Variants in ATRNL1 observed in about 807,000 individuals in gnomAD.
ATRNL1 encodes attractin-like protein 1.
ATRNL1 carries 95 observed loss-of-function variants against 182.7 expected under a neutral mutation model. The observed-to-expected ratio is 0.52, with a 90% CI of 0.44 to 0.62. The LOEUF is 0.62. ATRNL1 is among the 20% of genes least tolerant of loss of function. The pLI is 0.00. For synonymous variants in ATRNL1, 576 were observed against 568.3 expected, an observed-to-expected ratio of 1.01 and a Z score of -0.19; for missense variants, 1,471 against 1,679.5, an observed-to-expected ratio of 0.88 and a Z score of 2.17.
chr10:115,504,091 T>C (rs1554980684), intron 24 of ATRNL1, among the ~76,000 whole-genome samples: 2 of 152,008 alleles, frequency 1.3e-5, no homozygotes, highest in African/African-American at 4.8e-5. Flanking sequence ...ATTATTTAAT[T>C]TAACTTTAGA....
At chr10:115,918,647 C>G (rs1952952732) in intron 28 of ATRNL1, among the ~76,000 whole-genome samples, 2 of 152,116 alleles carry the variant, frequency 1.3e-5, no homozygotes, top group Admixed American at 1.3e-4. Flanking sequence ...AACACACAGC[C>G]AGAACCTCTT....
intron 28 of ATRNL1, among the ~76,000 whole-genome samples, chr10:115,939,243 A>G (rs1953653317): frequency 6.6e-6 from 1 of 152,194 alleles, no homozygotes; most frequent in Admixed American, 6.5e-5. Context: ...TATGGTCTCA[A>G]AGGAGCCTGT....
chr10:115,531,197 C>A lies in ATRNL1; in HGVS notation c.3716+11873C>A, dbSNP rs1411959603. Among the ~76,000 whole-genome samples the A allele has an allele frequency of 3.3e-5, 5 of 151,926 alleles. No individual in the cohort carries two copies. The South Asian group carries it at 8.3e-4, about 25-fold the overall frequency. On this transcript the variant is annotated intron_variant, in intron 25 of 28. Transcript: ENST00000355044. ...TTCTAGTTCTAGATCCCTGAGTAAT[C>A]GCCACACTGACTTCCACAATGGTTG...
Position 115,268,230 on chromosome 10 carries a change from T to C in ATRNL1, c.1982-96T>C, listed in dbSNP as rs76171356. 2,003 of 737,752 alleles carry C rather than the reference T, an allele frequency of 2.7e-3. 27 individuals carry two copies. In the African/African-American group the frequency reaches 0.028, roughly 10 times the overall value. The allele number at this position is 737,752 out of a possible 1,614,324, so 45.7% of individuals were successfully genotyped here. Reference sequence around the variant, plus strand: ...TCATTTCTTTGGTTAAAAAATGTCTTAGTGATTCTTAATGATTCTTAAATA... The same window carrying C: ...TCATTTCTTTGGTTAAAAAATGTCTCAGTGATTCTTAATGATTCTTAAATA... On this transcript the variant is annotated intron_variant, in intron 12 of 28. Coordinates refer to ENST00000355044, the MANE Select transcript of ATRNL1 (RefSeq NM_207303.4).
At chr10:115,431,604 GTATT>G (rs1322143662) in intron 21 of ATRNL1, among the ~76,000 whole-genome samples, 2 of 151,754 alleles carry the variant, frequency 1.3e-5, no homozygotes, top group East Asian at 3.9e-4. Context: ...TTTTATGTAT[GTATT>G]TATTTATTTA....
intron 26 of ATRNL1, among the ~76,000 whole-genome samples, chr10:115,564,738 A>G (rs1853970025): frequency 6.6e-6 from 1 of 151,882 alleles, no homozygotes; most frequent in African/African-American, 2.4e-5. Flanking sequence ...CAGTGTTATC[A>G]GGGCTTTTTT....
At chr10:115,238,391 A>G (rs1554902002) in intron 9 of ATRNL1, among the ~76,000 whole-genome samples, 1 of 152,122 alleles carries the variant, frequency 6.6e-6, no homozygotes, top group Non-Finnish European at 1.5e-5. Flanking sequence ...TTCATGTACT[A>G]TCTCTTTATT....
chr10:115,933,633 G>T (rs1953470925), intron 28 of ATRNL1, among the ~76,000 whole-genome samples: 2 of 152,166 alleles, frequency 1.3e-5, no homozygotes, highest in South Asian at 4.1e-4. Flanking sequence ...CTTTCCAAGA[G>T]AAATTTCTCA....
chr10:115,279,221 A>T (rs1852246539), intron 13 of ATRNL1, among the ~76,000 whole-genome samples: 1 of 151,650 alleles, frequency 6.6e-6, no homozygotes, highest in Non-Finnish European at 1.5e-5. Flanking sequence ...AAAAATAATA[A>T]TAATAATAAA....
At chr10:115,611,051 G>A (rs1857127902) in intron 26 of ATRNL1, among the ~76,000 whole-genome samples, 1 of 101,060 alleles carries the variant, frequency 9.9e-6, no homozygotes, top group South Asian at 4.3e-4. Context: ...AATTTTCAAA[G>A]GACTTTTTTT....
At chr10:115,920,460 A>G (rs17093786) in intron 28 of ATRNL1, among the ~76,000 whole-genome samples, 30,655 of 152,138 alleles carry the variant, frequency 0.2, 3,155 homozygotes, top group African/African-American at 0.23. Context: ...TGAAGACTGT[A>G]ATTCTGAGAC....
intron 5 of ATRNL1, among the ~76,000 whole-genome samples, chr10:115,148,567 C>A (rs1554879855): frequency 6.6e-6 from 1 of 152,034 alleles, no homozygotes; most frequent in Non-Finnish European, 1.5e-5. Context: ...ATTGAAGTGG[C>A]ATCATTTGGG....
At chr10:115,693,037 G>A (rs1339720016) in intron 26 of ATRNL1, among the ~76,000 whole-genome samples, 2 of 152,026 alleles carry the variant, frequency 1.3e-5, no homozygotes, top group Non-Finnish European at 2.9e-5. Context: ...ACATATTTAT[G>A]TACTGAAGAG....
chr10:115,789,392 C>A (rs181701559), intron 27 of ATRNL1, among the ~76,000 whole-genome samples: 1 of 152,042 alleles, frequency 6.6e-6, no homozygotes, highest in Non-Finnish European at 1.5e-5. Flanking sequence ...AATGAAAAAG[C>A]CTGAATCGCT....
intron 27 of ATRNL1, among the ~76,000 whole-genome samples, chr10:115,799,318 T>C (rs1394959283): frequency 1.3e-5 from 2 of 152,184 alleles, no homozygotes; most frequent in Non-Finnish European, 2.9e-5. Flanking sequence ...ATAGCTTGAA[T>C]TGAAACATGG....
intron 5 of ATRNL1, among the ~76,000 whole-genome samples, chr10:115,140,831 G>T: frequency 6.6e-6 from 1 of 152,016 alleles, no homozygotes; most frequent in East Asian, 1.9e-4. Context: ...GTTTTGTTGC[G>T]TAGTGCCTCT....
chr10:115,134,879 A>C (rs1277660092), intron 5 of ATRNL1, among the ~76,000 whole-genome samples: 2 of 152,198 alleles, frequency 1.3e-5, no homozygotes, highest in African/African-American at 4.8e-5. Context: ...GGCTAGTTCA[A>C]CATATGCAAA....
intron 28 of ATRNL1, among the ~76,000 whole-genome samples, chr10:115,892,457 TA>T (rs1952103156): frequency 6.6e-6 from 1 of 152,192 alleles, no homozygotes; most frequent in Non-Finnish European, 1.5e-5. Context: ...TAGTTACTCT[TA>T]AAAACTTTTA....
At chr10:115,388,794 T>A (rs1554953367) in intron 19 of ATRNL1, among the ~76,000 whole-genome samples, 2 of 152,080 alleles carry the variant, frequency 1.3e-5, no homozygotes, top group Admixed American at 6.5e-5. Flanking sequence ...TTTGTTTTTA[T>A]TTATGTTTTG....
Sources: gnomAD v4.1 joint callset for allele counts (sites outside exome capture counted in the v4.1 genomes callset) on GRCh38, gnomAD v4.1.1 for gene constraint, MANE v1.5 for transcripts, NCBI Gene and HGNC (gene_info 2026-07-23, HGNC 2026-07-21) for gene names.